Variants in CRY1 observed in about 807,000 individuals in gnomAD.
CRY1 encodes cryptochrome circadian regulator 1.
A neutral mutation model predicts 76.0 loss-of-function variants in CRY1; 45 were observed. The ratio of observed to expected loss-of-function variants is 0.59; its 90% CI spans 0.47 to 0.76. The LOEUF (loss-of-function observed/expected upper bound fraction) is 0.76. Among genes scored for constraint, CRY1 ranks in the 30% least tolerant of loss-of-function variants. The pLI, the probability that CRY1 is intolerant of heterozygous loss-of-function variation, is 0.00. For synonymous variants in CRY1, 248 were observed against 244.0 expected, an observed-to-expected ratio of 1.02 and a Z score of -0.15; for missense variants, 587 against 716.4, an observed-to-expected ratio of 0.82 and a Z score of 2.06.
intron 2 of CRY1, among the ~76,000 whole-genome samples, chr12:107,009,398 A>G (rs1157611689): frequency 6.6e-5 from 10 of 151,394 alleles, no homozygotes; most frequent in Admixed American, 6.6e-4. Flanking sequence ...AATTAGCCAG[A>G]CGTGGTGGTG....
At chr12:107,051,893 G>A (rs1318237826) in intron 1 of CRY1, among the ~76,000 whole-genome samples, 2 of 151,866 alleles carry the variant, frequency 1.3e-5, no homozygotes, top group African/African-American at 2.4e-5. Context: ...ATCTACTTGG[G>A]GACTTTAGGA....
intron 1 of CRY1, among the ~76,000 whole-genome samples, chr12:107,073,761 T>C (rs1024876725): frequency 6.6e-6 from 1 of 152,094 alleles, no homozygotes; most frequent in Non-Finnish European, 1.5e-5. Context: ...GCCATTCCTT[T>C]TGTCTTGCTA....
At chr12:107,042,930 A>G (rs1952814556) in intron 1 of CRY1, 1 of 152,222 alleles carries the variant, frequency 6.6e-6, no homozygotes, top group Admixed American at 6.5e-5. Context: ...ACAGGTACAA[A>G]GTCCAGCTGA....
intron 10 of CRY1, among the ~76,000 whole-genome samples, chr12:106,993,793 C>T (rs1377396321): frequency 6.6e-6 from 1 of 152,016 alleles, no homozygotes; most frequent in Admixed American, 6.6e-5. Flanking sequence ...TTTTAATTTG[C>T]ATTTCCCTAA....
rs1203407608 is a variant in CRY1 at position 107,092,710 on chromosome 12, C to G, written c.158+94G>C. On this transcript the variant is annotated intron_variant, in intron 1 of 12. Coordinates refer to ENST00000008527, the MANE Select transcript of CRY1 (RefSeq NM_004075.5). ...AAGCGGTATAAGCAAGACAGTCCCA[C>G]GTCTAAATTCACAGATTTGGCGGAT... is the stretch of plus-strand genomic sequence containing the variant. 2.0e-6 allele frequency: 3 copies of G among 1,534,784 alleles called. No individual in the cohort carries two copies. The East Asian group carries it at 7.2e-5, about 37-fold the overall frequency.
chr12:107,069,708 GTATATA>G (rs1366977141), intron 1 of CRY1, among the ~76,000 whole-genome samples: 2 of 143,116 alleles, frequency 1.4e-5, no homozygotes, highest in Non-Finnish European at 3.0e-5. Context: ...TATATATAGT[GTATATA>G]TATAAAGTAT....
intron 10 of CRY1, among the ~76,000 whole-genome samples, chr12:106,995,179 A>C (rs1288062800): frequency 6.6e-6 from 1 of 152,180 alleles, no homozygotes; most frequent in Non-Finnish European, 1.5e-5. Context: ...ATATAAAATG[A>C]GGATCCCACT....
intron 1 of CRY1, among the ~76,000 whole-genome samples, chr12:107,087,235 G>A (rs1449105086): frequency 6.6e-6 from 1 of 151,966 alleles, no homozygotes; most frequent in Non-Finnish European, 1.5e-5. Flanking sequence ...CTCACCTCTT[G>A]GACCAGTGTG....
At chr12:106,996,350 TTTTC>T (rs1397684331) in intron 10 of CRY1, among the ~76,000 whole-genome samples, 6 of 152,244 alleles carry the variant, frequency 3.9e-5, no homozygotes, top group Non-Finnish European at 7.3e-5. Context: ...ATGTACCACA[TTTTC>T]TTTATCTAGT....
At chr12:107,056,903 G>T (rs1450551593) in intron 1 of CRY1, among the ~76,000 whole-genome samples, 1 of 151,960 alleles carries the variant, frequency 6.6e-6, no homozygotes, top group Non-Finnish European at 1.5e-5. Flanking sequence ...TATTCATGAA[G>T]ATATCTTTCA....
chr12:107,064,197 C>A (rs1488333396), intron 1 of CRY1, among the ~76,000 whole-genome samples: 1 of 151,928 alleles, frequency 6.6e-6, no homozygotes, highest in Non-Finnish European at 1.5e-5. Context: ...AGACACTATG[C>A]TAAGTGAAAT....
intron 1 of CRY1, among the ~76,000 whole-genome samples, chr12:107,065,800 T>C (rs1398919894): frequency 2.0e-5 from 3 of 152,308 alleles, no homozygotes; most frequent in Admixed American, 1.3e-4. Flanking sequence ...CATATTTTCA[T>C]AAATGGAAGC....
At chr12:107,021,711 TACACAC>T (rs1393757645) in intron 2 of CRY1, among the ~76,000 whole-genome samples, 2 of 150,812 alleles carry the variant, frequency 1.3e-5, no homozygotes, top group African/African-American at 4.9e-5. Flanking sequence ...CATATATATA[TACACAC>T]ACACACACAA....
chr12:107,018,625 AATAGAT>A (rs1952522083), intron 2 of CRY1, among the ~76,000 whole-genome samples: 1 of 152,088 alleles, frequency 6.6e-6, no homozygotes, highest in Non-Finnish European at 1.5e-5. Context: ...TAAAAAAAGA[AATAGAT>A]ATAATGAGAA....
At chr12:107,061,926 G>C (rs147775371) in intron 1 of CRY1, among the ~76,000 whole-genome samples, 237 of 150,560 alleles carry the variant, frequency 1.6e-3, no homozygotes, top group African/African-American at 5.3e-3. Flanking sequence ...GGGAGGCTGA[G>C]GCACGAGAAC....
At chr12:107,062,187 T>C (rs1418915406) in intron 1 of CRY1, among the ~76,000 whole-genome samples, 2 of 152,144 alleles carry the variant, frequency 1.3e-5, no homozygotes, top group Non-Finnish European at 2.9e-5. Context: ...GAATAAATGT[T>C]TTCATCTCAT....
intron 1 of CRY1, among the ~76,000 whole-genome samples, chr12:107,027,750 G>A (rs1952632032): frequency 6.6e-6 from 1 of 152,090 alleles, no homozygotes; most frequent in Non-Finnish European, 1.5e-5. Context: ...GTAGGTCATT[G>A]CTATAGCAAC....
intron 1 of CRY1, among the ~76,000 whole-genome samples, chr12:107,070,666 TTTTA>T (rs376585116): frequency 0.27 from 37,347 of 139,432 alleles, 5,281 homozygotes; most frequent in South Asian, 0.4. Context: ...ATTCTCTTAT[TTTTA>T]TTTATTTATT....
At chr12:106,998,693 A>AC (rs1238131760) in intron 7 of CRY1, among the ~76,000 whole-genome samples, 1,120 of 80,550 alleles carry the variant, frequency 0.014, 16 homozygotes, top group African/African-American at 0.054. Context: ...CACACACACA[A>AC]GCTCAGAAAT....
Sources: gnomAD v4.1 joint callset for allele counts (sites outside exome capture counted in the v4.1 genomes callset) on GRCh38, gnomAD v4.1.1 for gene constraint, MANE v1.5 for transcripts, NCBI Gene and HGNC (gene_info 2026-07-23, HGNC 2026-07-21) for gene names.